Variants in TMEM132C observed in about 807,000 individuals in gnomAD.
TMEM132C encodes the protein transmembrane protein 132C.
TMEM132C carries 29 observed loss-of-function variants against 61.4 expected under a neutral mutation model. The observed-to-expected ratio is 0.47, with a 90% CI of 0.35 to 0.64. The LOEUF is 0.64. Ranked by LOEUF, TMEM132C falls within the 30% of genes least tolerant of loss-of-function variation. The probability of loss-of-function intolerance (pLI) is 0.00; values close to 1 mark genes in which losing one functional copy is unlikely to be tolerated. For synonymous variants in TMEM132C, 656 were observed against 633.1 expected, an observed-to-expected ratio of 1.04 and a Z score of -0.54; for missense variants, 1,408 against 1,476.9, an observed-to-expected ratio of 0.95 and a Z score of 0.76.
intron 4 of TMEM132C, among the ~76,000 whole-genome samples, chr12:128,622,957 C>T (rs1341193634): frequency 6.6e-6 from 1 of 152,090 alleles, no homozygotes; most frequent in Non-Finnish European, 1.5e-5. Flanking sequence ...TGAAAAATAA[C>T]TATATGGACA....
intron 3 of TMEM132C, among the ~76,000 whole-genome samples, chr12:128,549,254 C>A (rs527261834): frequency 1.3e-5 from 2 of 152,214 alleles, no homozygotes; most frequent in South Asian, 2.1e-4. Flanking sequence ...TATCCTCTCA[C>A]CTAAGACCAA....
chr12:128,645,499 C>T (rs905597271), intron 4 of TMEM132C, among the ~76,000 whole-genome samples: 9 of 152,142 alleles, frequency 5.9e-5, no homozygotes, highest in South Asian at 4.1e-4. Flanking sequence ...ATCCAGATTT[C>T]GTTTCTATGG....
At chr12:128,482,119 A>T (rs147499676) in intron 2 of TMEM132C, among the ~76,000 whole-genome samples, 45 of 152,230 alleles carry the variant, frequency 3.0e-4, no homozygotes, top group African/African-American at 1.0e-3. Context: ...GTTGAATTTT[A>T]TCGAAGGCCT....
chr12:128,390,322 C>T (rs998582288), intron 1 of TMEM132C, among the ~76,000 whole-genome samples: 1 of 152,230 alleles, frequency 6.6e-6, no homozygotes, highest in Non-Finnish European at 1.5e-5. Context: ...CTATGTTCCT[C>T]CTGGCAGCTC....
rs116688146 is a variant in TMEM132C, at chr12:128,420,877, C to G, written c.974+5257C>G. Among the ~76,000 whole-genome samples the G allele has an allele frequency of 8.2e-3, 1,247 of 152,202 alleles. 19 individuals are homozygous for G. Among genetic ancestry groups the G allele is most frequent in the African/African-American group, 0.029 (1,198 of 41,512 alleles). On this transcript the variant is annotated intron_variant, in intron 2 of 8. Coordinates refer to ENST00000435159, the MANE Select transcript of TMEM132C (RefSeq NM_001136103.3). ...AATGTAATTAAAATATACTTTAATACTTAAAATCATCGTTTTAAGGAAAAA... is the reference window on the plus strand; with the variant it reads ...AATGTAATTAAAATATACTTTAATAGTTAAAATCATCGTTTTAAGGAAAAA...
In TMEM132C at chr12:128,414,868, C is replaced by T. The variant is rs1868703761; in HGVS notation, c.222C>T (p.Asn74=). Reference sequence around the variant, plus strand: ...AAGCCAACCAGGACCTGCTGCGGAACTCCAGCCTGCAGGCGAGGGTGGAGT... The same window carrying T: ...AAGCCAACCAGGACCTGCTGCGGAATTCCAGCCTGCAGGCGAGGGTGGAGT... ...LKEANQDLLR[N]SSLQARVESF... is the part of the protein sequence containing the mutation. The change falls in exon 2 of 9, where the codon AAC becomes AAT. Residue 74 remains asparagine, a synonymous_variant. Coordinates refer to ENST00000435159, the MANE Select transcript of TMEM132C (RefSeq NM_001136103.3). 1.9e-6 allele frequency: 3 copies of T among 1,551,406 alleles called. No individual in the cohort carries two copies. Among genetic ancestry groups the T allele is most frequent in the Non-Finnish European group, 1.7e-6 (2 of 1,147,144 alleles).
intron 2 of TMEM132C, among the ~76,000 whole-genome samples, chr12:128,542,903 G>A (rs1270791628): frequency 1.3e-5 from 2 of 150,498 alleles, no homozygotes; most frequent in Non-Finnish European, 2.9e-5. Context: ...TTATAGGCGT[G>A]AGCCACTGTG....
At chr12:128,617,489 G>A (rs1876847381) in intron 4 of TMEM132C, among the ~76,000 whole-genome samples, 1 of 152,226 alleles carries the variant, frequency 6.6e-6, no homozygotes, top group Admixed American at 6.5e-5. Flanking sequence ...GATTGGCCAG[G>A]CCTGGGGAAT....
intron 1 of TMEM132C, among the ~76,000 whole-genome samples, chr12:128,412,886 G>C (rs1331310490): frequency 6.6e-6 from 1 of 152,118 alleles, no homozygotes; most frequent in East Asian, 1.9e-4. Context: ...GCTTCATACA[G>C]ATCTTCTTCC....
chr12:128,348,744 G>C (rs1395363138), intron 1 of TMEM132C, among the ~76,000 whole-genome samples: 2 of 152,156 alleles, frequency 1.3e-5, no homozygotes, highest in African/African-American at 2.4e-5. Context: ...TTTCTGTGAG[G>C]TGAAAGTGTT....
At chr12:128,639,782 G>A (rs1050186607) in intron 4 of TMEM132C, among the ~76,000 whole-genome samples, 1 of 152,148 alleles carries the variant, frequency 6.6e-6, no homozygotes, top group Admixed American at 6.5e-5. Flanking sequence ...GGACATCTGG[G>A]AAAAACAAGA....
intron 1 of TMEM132C, among the ~76,000 whole-genome samples, chr12:128,309,169 G>A (rs1871887446): frequency 6.6e-6 from 1 of 152,156 alleles, no homozygotes; most frequent in South Asian, 2.1e-4. Flanking sequence ...GGATGGAAAG[G>A]AGGCAGCTTC....
chr12:128,497,723 G>A (rs530718791), intron 2 of TMEM132C, among the ~76,000 whole-genome samples: 101 of 152,252 alleles, frequency 6.6e-4, no homozygotes, highest in African/African-American at 1.7e-3. Context: ...TCCAGGTGCC[G>A]TCTGTCACCT....
rs561469437 is a variant in TMEM132C at position 128,269,938 on chromosome 12, G to A, written c.85+2451G>A. Among the ~76,000 whole-genome samples the A allele has an allele frequency of 4.6e-5, 7 of 152,250 alleles. No individual in the cohort carries two copies. The East Asian group carries it at 1.3e-3, about 29-fold the overall frequency. On this transcript the variant is annotated intron_variant, in intron 1 of 8. Coordinates refer to ENST00000435159, the MANE Select transcript of TMEM132C (RefSeq NM_001136103.3). ...AATTGTCTGTTTATTTTTGACTGTG[G>A]ATTTAGAGGCTTTGCAATTTGTCAG...
intron 3 of TMEM132C, among the ~76,000 whole-genome samples, chr12:128,577,223 T>C (rs533740315): frequency 6.6e-6 from 1 of 152,356 alleles, no homozygotes; most frequent in Non-Finnish European, 1.5e-5. Flanking sequence ...CATCATGTTT[T>C]CATGGTTTAT....
At chr12:128,590,017 G>A (rs532527321) in intron 3 of TMEM132C, among the ~76,000 whole-genome samples, 1 of 152,290 alleles carries the variant, frequency 6.6e-6, no homozygotes, top group Non-Finnish European at 1.5e-5. Flanking sequence ...AACAGTGGAG[G>A]TTGTTCATTG....
In TMEM132C at chr12:128,544,088, C is replaced by T; in HGVS notation, c.1106C>T (p.Pro369Leu). The T allele has an allele frequency of 6.5e-7, 1 of 1,538,612 alleles. No individual in the cohort carries two copies. The highest frequency in any genetic ancestry group is 8.8e-7 in the Non-Finnish European group (1 of 1,140,830). Residue 369 changes from proline to leucine, a missense_variant, in exon 3 of 9, where the codon CCC (proline) becomes CTC (leucine). Physicochemically the swap from Pro to Leu is moderately conservative, Grantham distance 98. Transcript: ENST00000435159. ...ACCGTGGCCTGCCAGCGCCTGGGGC[C>T]CAGCCCACGCAACAGGTAAGCGGTG... is the stretch of plus-strand genomic sequence containing the variant. The part of the protein sequence containing the change: ...TATVACQRLG[P>L]SPRNRSSSLF...
At chr12:128,382,077 T>C (rs554160816) in intron 1 of TMEM132C, among the ~76,000 whole-genome samples, 1 of 151,640 alleles carries the variant, frequency 6.6e-6, no homozygotes, top group African/African-American at 2.4e-5. Flanking sequence ...AATACATTCA[T>C]ACTTTAATGG....
At chr12:128,539,979 GT>G (rs1873677795) in intron 2 of TMEM132C, among the ~76,000 whole-genome samples, 1 of 151,802 alleles carries the variant, frequency 6.6e-6, no homozygotes, top group Non-Finnish European at 1.5e-5. Flanking sequence ...TCTTTTCTCT[GT>G]TTCTTTTTTC....
Sources: gnomAD v4.1 joint callset for allele counts (sites outside exome capture counted in the v4.1 genomes callset) on GRCh38, gnomAD v4.1.1 for gene constraint, MANE v1.5 for transcripts, NCBI Gene and HGNC (gene_info 2026-07-23, HGNC 2026-07-21) for gene names.